PELP1: variants seen among roughly 807,000 people sequenced by gnomAD.
PELP1 encodes the protein proline-, glutamic acid- and leucine-rich protein 1.
PELP1 carries 32 observed loss-of-function variants against 95.5 expected under a neutral mutation model. That is an observed-to-expected ratio of 0.34 (90% CI 0.25 to 0.45). PELP1 has a LOEUF of 0.45. Among genes scored for constraint, PELP1 ranks in the 20% least tolerant of loss-of-function variants. PELP1 has a pLI of 1.00. For synonymous variants in PELP1, 668 were observed against 600.1 expected (o/e 1.11, Z -1.65); for missense variants, 1,358 against 1,444.8 (o/e 0.94, Z 0.97).
rs540816588 is a variant in PELP1 at position 4,704,085 on chromosome 17, G to A, written c.27C>T (p.Pro9=). The change falls in exon 1 of 17, where the codon CCC becomes CCT. Residue 9 remains proline (P), a synonymous_variant. Coordinates refer to ENST00000572293, the MANE Select transcript of PELP1 (RefSeq NM_014389.3). Reference sequence around the variant, plus strand: ...GAACCCCAGCCGCGGAGCCCGCAGAGGGCCCACTCAGAACGGCTGCCGCCA... The same window carrying A: ...GAACCCCAGCCGCGGAGCCCGCAGAAGGCCCACTCAGAACGGCTGCCGCCA... The part of the protein sequence containing the change: MAAAVLSG[P]SAGSAAGVPG... 1.6e-5 allele frequency: 25 copies of A among 1,610,666 alleles called. No homozygotes were observed. In the South Asian group the frequency reaches 1.6e-4, roughly 11 times the overall value.
In PELP1 at chr17:4,684,164, C is replaced by T. The variant is rs189318894; in HGVS notation, c.421-1212G>A. On this transcript the variant is annotated intron_variant, in intron 3 of 16. Coordinates refer to ENST00000572293, the MANE Select transcript of PELP1 (RefSeq NM_014389.3). ...CATCCAGCATATATCTCCTGCTAGA[C>T]GAGACGAGGCCATGTGTCAAAAAAA... Among the ~76,000 whole-genome samples, 22 of 152,110 alleles carry T rather than the reference C, an allele frequency of 1.4e-4. No individual in the cohort carries two copies. The East Asian group carries it at 2.1e-3, about 15-fold the overall frequency.
chr17:4,674,470 C>T (rs1273838360), intron 13 of PELP1, 40 bp downstream of exon 13: 2 of 1,582,938 alleles, frequency 1.3e-6, no homozygotes, highest in Non-Finnish European at 1.7e-6. Context: ...GATGGGGTCC[C>T]GTTTGAGCCC....
At chr17:4,701,519 T>C (rs1432883182) in intron 1 of PELP1, among the ~76,000 whole-genome samples, 5 of 152,222 alleles carry the variant, frequency 3.3e-5, no homozygotes, top group African/African-American at 1.2e-4. Flanking sequence ...AGGAGACCCG[T>C]TAGAAGATTG....
Position 4,672,531 on chromosome 17 carries a change from G to C in PELP1, c.2460C>G (p.Ser820=). 1 of 1,591,064 alleles carries C rather than the reference G, an allele frequency of 6.3e-7. No homozygotes were observed. The highest frequency in any genetic ancestry group is 1.1e-5 in the South Asian group (1 of 87,274). The change falls in exon 16 of 17, where the codon TCC becomes TCG. Residue 820 remains serine, a synonymous_variant. Transcript: ENST00000572293. ...GCTCCTCCTTCGCTGGCACAGGAGG[G>C]GAGGCTGTTGGTGGCCCAGTGGGGG... is the stretch of plus-strand genomic sequence containing the variant. The part of the protein sequence containing the change: ...PIAPTGPPTA[S]PPVPAKEEPE...
intron 1 of PELP1, among the ~76,000 whole-genome samples, chr17:4,703,604 C>T (rs531280429): frequency 1.3e-5 from 2 of 149,332 alleles, no homozygotes; most frequent in Admixed American, 6.6e-5. Context: ...GTGACCGGGC[C>T]TGGAACCTAA....
At chr17:4,685,490 C>T (rs558548768) in intron 3 of PELP1, among the ~76,000 whole-genome samples, 1 of 152,084 alleles carries the variant, frequency 6.6e-6, no homozygotes, top group South Asian at 2.1e-4. Flanking sequence ...AGACTCTTCC[C>T]CCTAGTAAAA....
intron 1 of PELP1, among the ~76,000 whole-genome samples, chr17:4,695,581 G>A (rs950111619): frequency 3.9e-4 from 58 of 148,214 alleles, no homozygotes; most frequent in African/African-American, 1.2e-3. Context: ...CAGAAGGATC[G>A]CTTGAATCCA....
At chr17:4,682,285 A>G (rs1427302485) in intron 5 of PELP1, among the ~76,000 whole-genome samples, 1 of 152,260 alleles carries the variant, frequency 6.6e-6, no homozygotes, top group Non-Finnish European at 1.5e-5. Flanking sequence ...TACAGGTTCC[A>G]GTGCCTGCTG....
chr17:4,694,784 A>T (rs1057436682), intron 1 of PELP1, among the ~76,000 whole-genome samples: 3 of 151,272 alleles, frequency 2.0e-5, no homozygotes, highest in African/African-American at 7.3e-5. Context: ...CAGCCTGGCC[A>T]ACATGGTGAA....
Position 4,676,690 on chromosome 17 carries a change from G to A in PELP1, c.702+63C>T, listed in dbSNP as rs1015274812. ...AGGCAGGACAGAAAAGCTAGAGGAG[G>A]AGCAGCAAGAGACAATCCAGGCTCA... On this transcript the variant is annotated intron_variant, in intron 6 of 16. Transcript: ENST00000572293. The A allele has an allele frequency of 1.6e-5, 23 of 1,440,130 alleles. 1 individual carries two copies. In the South Asian group the frequency reaches 2.0e-4, roughly 12 times the overall value. 89.2% of individuals were successfully genotyped at this position (1,440,130 alleles called of 1,614,324 possible).
chr17:4,672,847 C>T lies in PELP1; in HGVS notation c.2144G>A (p.Gly715Asp), dbSNP rs761703296. The T allele has an allele frequency of 5.0e-6, 8 of 1,613,908 alleles. No individual in the cohort carries two copies. The highest frequency in any genetic ancestry group is 5.9e-6 in the Non-Finnish European group (7 of 1,179,860). The change falls in exon 16 of 17, where the codon GGC (glycine) becomes GAC (aspartate). Residue 715 changes from glycine to aspartate, a missense_variant. This residue lies in a region of PELP1 where 340 missense variants were observed against 322.9 expected (regional missense o/e 1.05). Transcript: ENST00000572293. The stretch of plus-strand genomic sequence containing the variant: ...AAGCCGGGGAGGGACAGACACTAGG[C>T]CTGGGACAGAAAGGCCTAGGTGGTT... ...TANHLGLSVP[G>D]LVSVPPRLLP...
chr17:4,688,865 A>G (rs1172226264), intron 3 of PELP1, among the ~76,000 whole-genome samples: 1 of 152,260 alleles, frequency 6.6e-6, no homozygotes, highest in East Asian at 1.9e-4. Flanking sequence ...TTTATATGGA[A>G]CCAAAAAAGA....
At chr17:4,692,930 A>T (rs143320850) in intron 1 of PELP1, among the ~76,000 whole-genome samples, 9 of 152,210 alleles carry the variant, frequency 5.9e-5, no homozygotes, top group African/African-American at 1.9e-4. Context: ...GACTCGCTTG[A>T]ACCCAGGAGG....
chr17:4,691,130 G>T, intron 2 of PELP1, 137 bp from the exon 3 acceptor site: 1 of 680,036 alleles, frequency 1.5e-6, no homozygotes. Flanking sequence ...TGAAATACTT[G>T]GAATGAGGTG....
intron 1 of PELP1, among the ~76,000 whole-genome samples, chr17:4,694,354 T>TA (rs1441715955): frequency 6.6e-6 from 1 of 150,918 alleles, no homozygotes; most frequent in Non-Finnish European, 1.5e-5. Flanking sequence ...TTGTATACTC[T>TA]AAGTGAGTGA....
Position 4,672,057 on chromosome 17 carries a change from T to G in PELP1, c.2934A>C (p.Pro978=), listed in dbSNP as rs1597444958. 6.4e-7 allele frequency: 1 copy of G among 1,562,424 alleles called. No homozygotes were observed. The highest frequency in any genetic ancestry group is 1.2e-5 in the South Asian group (1 of 83,868). The change falls in exon 16 of 17, where the codon CCA becomes CCC. Residue 978 remains proline (P), a synonymous_variant. Coordinates refer to ENST00000572293, the MANE Select transcript of PELP1 (RefSeq NM_014389.3). ...GCAGAGCTGGAGGCAGGGTTGGGGG[T>G]GGAGGTGCACCTTCTTCTACCTCCC... The part of the protein sequence containing the change: ...AGGEVEEGAP[P]PPTLPPALPP...
In PELP1 at chr17:4,672,460, G is replaced by T; in HGVS notation, c.2531C>A (p.Pro844His). 1 of 1,568,494 alleles carries T rather than the reference G, an allele frequency of 6.4e-7. No individual in the cohort carries two copies. Among genetic ancestry groups the T allele is most frequent in the Non-Finnish European group, 8.6e-7 (1 of 1,157,538 alleles). Residue 844 changes from proline (P) to histidine (H), a missense_variant, in exon 16 of 17, where the codon CCT (proline) becomes CAT (histidine). Coordinates refer to ENST00000572293, the MANE Select transcript of PELP1 (RefSeq NM_014389.3). ...AAPGPLPPPP[P>H]PPPPVPGPVT... is the part of the protein sequence containing the mutation. ...AGGACCAGGAACAGGCGGCGGCGGA[G>T]GTGGGGGTGGCGGGAGAGGCCCTGG...
chr17:4,685,338 T>C (rs1912868278), intron 3 of PELP1, among the ~76,000 whole-genome samples: 1 of 152,160 alleles, frequency 6.6e-6, no homozygotes, highest in South Asian at 2.1e-4. Flanking sequence ...ATCTTCTTCT[T>C]TCTGTTGGCC....
In PELP1 at chr17:4,672,948, G is replaced by A. The variant is rs1261976983; in HGVS notation, c.2043C>T (p.Gly681=). The A allele has an allele frequency of 6.2e-7, 1 of 1,605,912 alleles. No individual in the cohort carries two copies. Among genetic ancestry groups the A allele is most frequent in the Non-Finnish European group, 8.5e-7 (1 of 1,175,600 alleles). ...GCATGGGGCCTGCTGAAGGCATGGG[G>A]CCTGCTGAGGGCATGGAGCCCACTG... ...MPSVGSMPSA[G]PMPSAGPMPS... Residue 681 remains glycine (G), a synonymous_variant, in exon 16 of 17, where the codon GGC becomes GGT. Transcript: ENST00000572293.
Sources: gnomAD v4.1 joint callset for allele counts (sites outside exome capture counted in the v4.1 genomes callset) on GRCh38, gnomAD v4.1.1 for gene constraint, gnomAD v4.1.1 regional missense constraint, MANE v1.5 for transcripts, NCBI Gene and HGNC (gene_info 2026-07-23, HGNC 2026-07-21) for gene names.